The following SLC7A2 variants were observed in gnomAD, a reference collection of about 807,000 sequenced individuals.
The protein encoded by SLC7A2 is solute carrier family 7 member 2.
Under a neutral mutation model 58.9 loss-of-function variants are expected in SLC7A2, and 48 were observed. The observed-to-expected ratio is 0.82, with a 90% confidence interval of 0.65 to 1.04. SLC7A2 has a LOEUF of 1.04. Among genes scored for constraint, SLC7A2 ranks in the 50% least tolerant of loss-of-function variants. SLC7A2 has a pLI of 0.00. For synonymous variants in SLC7A2, 363 were observed against 314.5 expected (o/e 1.15, Z -1.63); for missense variants, 1,029 against 818.8 (o/e 1.26, Z -3.13).
chr8:17,522,907 G>GC (rs1199374238), intron 2 of SLC7A2, among the ~76,000 whole-genome samples: 1 of 151,910 alleles, frequency 6.6e-6, no homozygotes, highest in Non-Finnish European at 1.5e-5. Context: ...CATGGAGGGT[G>GC]CCCCCGTATC....
At chr8:17,502,216 A>G (rs990455180) in intron 1 of SLC7A2, 41 bp from the exon 2 acceptor site, 2 of 152,060 alleles carry the variant, frequency 1.3e-5, no homozygotes, top group Non-Finnish European at 2.9e-5. Flanking sequence ...GAGAAATCAC[A>G]TGAGTCCTTT....
intron 2 of SLC7A2, among the ~76,000 whole-genome samples, chr8:17,542,825 C>T (rs1300832897): frequency 1.3e-5 from 2 of 151,842 alleles, no homozygotes; most frequent in African/African-American, 4.8e-5. Context: ...CATGGTGGCT[C>T]ACACCTGTAA....
chr8:17,523,071 A>G (rs554914803), intron 2 of SLC7A2, among the ~76,000 whole-genome samples: 1 of 152,244 alleles, frequency 6.6e-6, no homozygotes, highest in East Asian at 1.9e-4. Context: ...ATGGGTTAAG[A>G]GGTGCAGCAA....
intron 2 of SLC7A2, among the ~76,000 whole-genome samples, chr8:17,525,994 A>G (rs17124760): frequency 0.18 from 27,173 of 152,120 alleles, 2,940 homozygotes; most frequent in East Asian, 0.3. Context: ...CCTCATGACT[A>G]GCTAGTGGAC....
Position 17,544,449 on chromosome 8 carries a change from A to G in SLC7A2, c.377-2A>G. The G allele has an allele frequency of 6.2e-7, 1 of 1,613,420 alleles. No individual in the cohort carries two copies. The highest frequency in any genetic ancestry group is 8.5e-7 in the Non-Finnish European group (1 of 1,179,668). Reference sequence around the variant, plus strand: ...TCGTATTCTCTGTTCTGTTTTGGGAAGGTACATCAAGTGTTGCAAGAGCCT... The same window carrying G: ...TCGTATTCTCTGTTCTGTTTTGGGAGGGTACATCAAGTGTTGCAAGAGCCT... On this transcript the variant is annotated splice_acceptor_variant, in intron 3 of 12. Transcript: ENST00000494857. LOFTEE classifies it high-confidence loss of function.
At chr8:17,510,957 G>A (rs975772678) in intron 2 of SLC7A2, 1 of 152,164 alleles carries the variant, frequency 6.6e-6, no homozygotes, top group Non-Finnish European at 1.5e-5. Context: ...GCAGGAACGT[G>A]GATGAAGCTG....
chr8:17,556,497 T>A (rs17124840), intron 8 of SLC7A2, among the ~76,000 whole-genome samples: 2,237 of 152,206 alleles, frequency 0.015, 53 homozygotes, highest in African/African-American at 0.051. Flanking sequence ...TTAACTTGGA[T>A]CAGAGCGCTT....
chr8:17,498,068 A>T (rs887570900), intron 1 of SLC7A2, among the ~76,000 whole-genome samples: 6 of 152,166 alleles, frequency 3.9e-5, no homozygotes, highest in African/African-American at 1.4e-4. Context: ...GTGGCTTTTG[A>T]AGTGGATATA....
intron 11 of SLC7A2, 70 bp downstream of exon 11, chr8:17,562,180 AT>A (rs200130071): frequency 7.9e-4 from 467 of 593,188 alleles, no homozygotes; most frequent in African/African-American, 1.9e-3. Context: ...TTTGGTAAGT[AT>A]TTTTTTTTTT....
chr8:17,529,835 C>G (rs2150708683), intron 2 of SLC7A2, among the ~76,000 whole-genome samples: 1 of 152,090 alleles, frequency 6.6e-6, no homozygotes, highest in African/African-American at 2.4e-5. Context: ...CCACGCCTGG[C>G]CCAGAGGGAC....
chr8:17,503,240 C>T (rs905165481), intron 2 of SLC7A2, among the ~76,000 whole-genome samples: 3 of 151,934 alleles, frequency 2.0e-5, no homozygotes, highest in Admixed American at 6.6e-5. Context: ...CTAGTAGAGA[C>T]GGGGTTTCAC....
Position 17,512,431 on chromosome 8 carries a change from C to G in SLC7A2, c.-23+10129C>G, listed in dbSNP as rs1201587115. 2.0e-5 allele frequency among the ~76,000 whole-genome samples: 3 copies of G among 152,176 alleles called. No individual in the cohort carries two copies. In the East Asian group the frequency reaches 5.8e-4, roughly 29 times the overall value. ...GCATGGTGGCGCGTGTCTGTAATGC[C>G]AGCTACTTGGGAGGCTGAGGCAGGA... On this transcript the variant is annotated intron_variant, in intron 2 of 12. Transcript: ENST00000494857.
Position 17,565,251 on chromosome 8 carries a change from A to T in SLC7A2, c.*105A>T. On this transcript the variant is annotated 3_prime_UTR_variant, in exon 13 of 13. Coordinates refer to ENST00000494857, the MANE Select transcript of SLC7A2 (RefSeq NM_001370338.1). ...TGCTGGGTTGTCATGGGTTTGCTGC[A>T]TACATAGTTCACCCTAATTTATACT... The T allele has an allele frequency of 2.3e-6, 2 of 851,286 alleles. No individual in the cohort carries two copies. Among genetic ancestry groups the T allele is most frequent in the Non-Finnish European group, 3.6e-6 (2 of 551,654 alleles). The allele number at this position is 851,286 out of a possible 1,614,324, so 52.7% of individuals were successfully genotyped here.
intron 2 of SLC7A2, among the ~76,000 whole-genome samples, chr8:17,506,090 T>A (rs1446152468): frequency 6.6e-6 from 1 of 152,250 alleles, no homozygotes; most frequent in East Asian, 1.9e-4. Context: ...CTCTTTTAAA[T>A]GCGTTGCATT....
In SLC7A2 at chr8:17,558,410, G is replaced by A; in HGVS notation, c.1298+13G>A. The A allele has an allele frequency of 7.1e-6, 11 of 1,553,422 alleles. No homozygotes were observed. The highest frequency in any genetic ancestry group is 9.8e-6 in the Non-Finnish European group (11 of 1,125,800). On this transcript the variant is annotated intron_variant, in intron 9 of 12. Transcript: ENST00000494857. ...TTCTCATCCTCAGGTGAGTCACCTG[G>A]TGGTTCTACAGGGTGTACCATGCAC...
chr8:17,513,310 A>G (rs999626232), intron 2 of SLC7A2, among the ~76,000 whole-genome samples: 2 of 152,122 alleles, frequency 1.3e-5, no homozygotes, highest in Non-Finnish European at 2.9e-5. Context: ...TCATCAATAC[A>G]TGTTATTTTC....
intron 2 of SLC7A2, among the ~76,000 whole-genome samples, chr8:17,505,896 T>A (rs1218657428): frequency 1.3e-5 from 2 of 152,340 alleles, no homozygotes; most frequent in Middle Eastern, 6.8e-3. Context: ...GTTTTTACAA[T>A]GTAAAATAAC....
At chr8:17,564,873 A>G (rs1803189448) in intron 12 of SLC7A2, 77 bp from the exon 13 acceptor site, 1 of 1,219,788 alleles carries the variant, frequency 8.2e-7, no homozygotes, top group South Asian at 1.6e-5. Flanking sequence ...TAAGTTCTAC[A>G]TTTTCCACCT....
rs144074777 is a variant in SLC7A2 at position 17,524,784 on chromosome 8, C to G, written c.-22-18534C>G. Among the ~76,000 whole-genome samples, 11 of 151,952 alleles carry G rather than the reference C, an allele frequency of 7.2e-5. No homozygotes were observed. The East Asian group carries it at 1.9e-3, about 27-fold the overall frequency. On this transcript the variant is annotated intron_variant, in intron 2 of 12. Coordinates refer to ENST00000494857, the MANE Select transcript of SLC7A2 (RefSeq NM_001370338.1). ...TATTTATGTACATAGTTGTGACTTC[C>G]GCATCTAATCCTGATTTTTTTTTTT...
Sources: allele counts gnomAD v4.1 joint callset (sites outside exome capture counted in the v4.1 genomes callset), GRCh38; gene constraint gnomAD v4.1.1; transcripts MANE v1.5; gene names NCBI Gene and HGNC (gene_info 2026-07-23, HGNC 2026-07-21).